The following PRKG1 variants were observed in gnomAD, a reference collection of about 807,000 sequenced individuals.
PRKG1 encodes the protein cGMP-dependent protein kinase 1.
A neutral mutation model predicts 88.1 loss-of-function variants in PRKG1; 35 were observed. The observed-to-expected ratio is 0.40, with a 90% confidence interval of 0.30 to 0.53. The LOEUF is 0.53. Among genes scored for constraint, PRKG1 ranks in the 20% least tolerant of loss-of-function variants. The pLI is 0.59. For synonymous variants in PRKG1, 303 were observed against 292.5 expected, an observed-to-expected ratio of 1.04 and a Z score of -0.37; for missense variants, 540 against 839.8, an observed-to-expected ratio of 0.64 and a Z score of 4.41.
chr10:51,360,760 GT>G (rs1842462677), intron 2 of PRKG1, among the ~76,000 whole-genome samples: 1 of 151,766 alleles, frequency 6.6e-6, no homozygotes, highest in South Asian at 2.1e-4. Context: ...GTTTCCTTTA[GT>G]AGTAGGTGGT....
At chr10:51,763,784 T>A (rs1289387444) in intron 3 of PRKG1, among the ~76,000 whole-genome samples, 2 of 152,046 alleles carry the variant, frequency 1.3e-5, no homozygotes, top group Non-Finnish European at 1.5e-5. Context: ...GGTTGAGAAG[T>A]GTACAAAGTC....
chr10:51,458,277 G>A (rs564512175), intron 2 of PRKG1, among the ~76,000 whole-genome samples: 9 of 152,258 alleles, frequency 5.9e-5, no homozygotes, highest in African/African-American at 2.2e-4. Context: ...GTAGGAGGTT[G>A]ATACTTTGAA....
chr10:51,011,723 GT>G (rs1842995964), intron 1 of PRKG1, among the ~76,000 whole-genome samples: 1 of 152,208 alleles, frequency 6.6e-6, no homozygotes, highest in African/African-American at 2.4e-5. Context: ...AATGGAAAAT[GT>G]GCCATTCTTG....
chr10:52,075,299 A>C (rs951981273), intron 7 of PRKG1, among the ~76,000 whole-genome samples: 1 of 152,220 alleles, frequency 6.6e-6, no homozygotes, highest in Non-Finnish European at 1.5e-5. Context: ...ATACGTTGTA[A>C]GACGCAGTAT....
rs1263031206 is a variant in PRKG1, at chr10:52,265,340, C to A, written c.1174-6010C>A. 7.2e-5 allele frequency among the ~76,000 whole-genome samples: 11 copies of A among 152,134 alleles called. No individual in the cohort carries two copies. In the East Asian group the frequency reaches 1.5e-3, roughly 21 times the overall value. ...TGAACCACTTCATATGGGACTTTTG[C>A]ATAATAATGAGTCATGTGACATTGA... On this transcript the variant is annotated intron_variant, in intron 10 of 17. Transcript: ENST00000373980.
At chr10:51,831,146 T>A (rs1589330485) in intron 4 of PRKG1, among the ~76,000 whole-genome samples, 1 of 152,276 alleles carries the variant, frequency 6.6e-6, no homozygotes, top group East Asian at 1.9e-4. Context: ...CTTAGGTATA[T>A]TTAAGAGACA....
At chr10:52,103,710 G>T (rs1271852823) in intron 7 of PRKG1, among the ~76,000 whole-genome samples, 1 of 151,974 alleles carries the variant, frequency 6.6e-6, no homozygotes, top group East Asian at 1.9e-4. Context: ...TCCAACCCCT[G>T]TGTTGTTCAG....
At chr10:51,830,560 G>GTTT (rs531412645) in intron 4 of PRKG1, among the ~76,000 whole-genome samples, 22 of 83,630 alleles carry the variant, frequency 2.6e-4, no homozygotes, top group Non-Finnish European at 3.9e-4. Context: ...TTTTTTTTTT[G>GTTT]TTTTTTTTTT....
intron 3 of PRKG1, among the ~76,000 whole-genome samples, chr10:51,691,257 T>A (rs1166182171): frequency 6.6e-6 from 1 of 151,252 alleles, no homozygotes; most frequent in Non-Finnish European, 1.5e-5. Context: ...CTGGTTGATT[T>A]TGCAGAAATA....
At chr10:51,281,445 G>A (rs565596874) in intron 2 of PRKG1, among the ~76,000 whole-genome samples, 6 of 152,256 alleles carry the variant, frequency 3.9e-5, no homozygotes, top group African/African-American at 1.2e-4. Context: ...AGGGTCCCAT[G>A]CCCACAGAGC....
intron 3 of PRKG1, among the ~76,000 whole-genome samples, chr10:51,681,185 G>C (rs990323658): frequency 6.6e-6 from 1 of 152,066 alleles, no homozygotes; most frequent in Non-Finnish European, 1.5e-5. Context: ...AATTAAATTT[G>C]AGTAAATTTT....
intron 3 of PRKG1, chr10:51,699,683 C>CACAG: frequency 4.0e-6 from 4 of 1,011,076 alleles, no homozygotes; most frequent in Non-Finnish European, 5.8e-6. Flanking sequence ...TGAATCGTTC[C>CACAG]GCTTGCCTGT....
intron 5 of PRKG1, among the ~76,000 whole-genome samples, chr10:52,037,818 G>A (rs1461116122): frequency 6.6e-6 from 1 of 152,174 alleles, no homozygotes; most frequent in Non-Finnish European, 1.5e-5. Flanking sequence ...GCGAGGAGCA[G>A]CCTGGGGAGG....
intron 2 of PRKG1, among the ~76,000 whole-genome samples, chr10:51,361,670 T>C (rs1191017333): frequency 1.3e-5 from 2 of 151,842 alleles, no homozygotes; most frequent in African/African-American, 4.8e-5. Context: ...CAGTTACTTC[T>C]GAAATGCCAA....
chr10:51,761,893 GATT>G (rs1838030546), intron 3 of PRKG1, among the ~76,000 whole-genome samples: 1 of 152,056 alleles, frequency 6.6e-6, no homozygotes, highest in African/African-American at 2.4e-5. Context: ...GATTATTGTG[GATT>G]ATGTTTTTAA....
intron 2 of PRKG1, among the ~76,000 whole-genome samples, chr10:51,158,436 G>A (rs1846270562): frequency 6.6e-6 from 1 of 151,816 alleles, no homozygotes; most frequent in Admixed American, 6.6e-5. Context: ...TCAAACTTGA[G>A]GAGCCCATAA....
Position 52,293,924 on chromosome 10 carries a change from C to A in PRKG1, c.*24C>A. 6.3e-7 allele frequency: 1 copy of A among 1,583,396 alleles called. No individual in the cohort carries two copies. The highest frequency in any genetic ancestry group is 8.7e-7 in the Non-Finnish European group (1 of 1,154,620). On this transcript the variant is annotated 3_prime_UTR_variant, in exon 18 of 18. Transcript: ENST00000373980. ...AATGTATTTCTCTTACCTGCTTCTG[C>A]CTTGCTGAAGACAGCTTTTTCTGAG...
intron 2 of PRKG1, among the ~76,000 whole-genome samples, chr10:51,178,911 G>A (rs929249104): frequency 6.6e-6 from 1 of 152,090 alleles, no homozygotes; most frequent in Non-Finnish European, 1.5e-5. Context: ...TATAACATTT[G>A]TATGCATAAT....
intron 3 of PRKG1, among the ~76,000 whole-genome samples, chr10:51,537,789 C>CA (rs1466658248): frequency 6.6e-6 from 1 of 151,506 alleles, no homozygotes; most frequent in Non-Finnish European, 1.5e-5. Flanking sequence ...GCCTTATCTC[C>CA]ACCCATGGGG....
Sources: gnomAD v4.1 joint callset for allele counts (sites outside exome capture counted in the v4.1 genomes callset) on GRCh38, gnomAD v4.1.1 for gene constraint, MANE v1.5 for transcripts, NCBI Gene and HGNC (gene_info 2026-07-23, HGNC 2026-07-21) for gene names.